Variants in DSE observed in about 807,000 individuals in gnomAD.
The protein encoded by DSE is dermatan sulfate epimerase, also known as dermatan-sulfate epimerase.
A neutral mutation model predicts 84.4 loss-of-function variants in DSE; 36 were observed. That is an observed-to-expected ratio of 0.43 (90% confidence interval 0.33 to 0.56). The LOEUF (loss-of-function observed/expected upper bound fraction) is 0.56. Among genes scored for constraint, DSE ranks in the 20% least tolerant of loss-of-function variants. The pLI is 0.06. For missense variants in DSE, 862 were observed against 1,169.6 expected, an observed-to-expected ratio of 0.74 and a Z score of 3.84; for synonymous variants, 410 against 430.1, an observed-to-expected ratio of 0.95 and a Z score of 0.58.
chr6:116,259,124 C>T, intron 2 of DSE: 1 of 1,360,824 alleles, frequency 7.3e-7, no homozygotes, highest in East Asian at 2.4e-5. Context: ...ATCGTGAGAA[C>T]ACAGCCTGAG....
At chr6:116,339,809 C>A (rs1397050947) in intron 2 of DSE, among the ~76,000 whole-genome samples, 2 of 152,168 alleles carry the variant, frequency 1.3e-5, no homozygotes, top group African/African-American at 4.8e-5. Flanking sequence ...AAATATGGAA[C>A]AGAAGAAGAA....
intron 2 of DSE, chr6:116,277,164 A>C (rs1269389937): frequency 1.3e-5 from 2 of 152,678 alleles, no homozygotes; most frequent in Non-Finnish European, 2.9e-5. Context: ...ATTTTACTAA[A>C]TCCTAATGAA....
intron 2 of DSE, among the ~76,000 whole-genome samples, chr6:116,421,760 C>A (rs2115052171): frequency 6.6e-6 from 1 of 152,076 alleles, no homozygotes; most frequent in East Asian, 1.9e-4. Flanking sequence ...TGTACCCAGC[C>A]AAACTATATT....
chr6:116,426,425 TA>T, intron 2 of DSE, 148 bp from the exon 3 acceptor site: 1 of 989,556 alleles, frequency 1.0e-6, no homozygotes, highest in Non-Finnish European at 1.4e-6. Flanking sequence ...CGCTTGTTTC[TA>T]ATGTGGAGGG....
intron 2 of DSE, among the ~76,000 whole-genome samples, chr6:116,340,581 C>T (rs1352173023): frequency 2.0e-5 from 3 of 152,008 alleles, no homozygotes; most frequent in Non-Finnish European, 4.4e-5. Context: ...TGTTGGTTTG[C>T]TGCACCCATC....
intron 2 of DSE, among the ~76,000 whole-genome samples, chr6:116,297,511 A>G (rs1309624580): frequency 1.3e-5 from 2 of 152,192 alleles, no homozygotes; most frequent in Admixed American, 6.5e-5. Context: ...AATCTGAAAC[A>G]CTAATTTTAG....
At chr6:116,432,058 A>G (rs1306008851) in intron 4 of DSE, among the ~76,000 whole-genome samples, 3 of 152,252 alleles carry the variant, frequency 2.0e-5, no homozygotes, top group Admixed American at 2.0e-4. Flanking sequence ...ATTGCAGAGC[A>G]TAAGAACCAT....
At chr6:116,383,059 A>G (rs1223307214) in intron 1 of DSE, among the ~76,000 whole-genome samples, 1 of 152,140 alleles carries the variant, frequency 6.6e-6, no homozygotes, top group Admixed American at 6.6e-5. Context: ...TTTGGCCTGC[A>G]TGGGAGAGCA....
chr6:116,287,689 A>G (rs1280637673), intron 2 of DSE, among the ~76,000 whole-genome samples: 3 of 152,052 alleles, frequency 2.0e-5, no homozygotes, highest in African/African-American at 7.2e-5. Context: ...GTTGAGGGAG[A>G]CTTCCCTTGG....
chr6:116,325,914 C>G lies in DSE; in HGVS notation c.-54+66947C>G, dbSNP rs142365816. 6.8e-3 allele frequency among the ~76,000 whole-genome samples: 1,042 copies of G among 152,200 alleles called. 22 individuals carry two copies. The highest frequency in any genetic ancestry group is 0.056 in the South Asian group (270 of 4,818). ...GGGCTCACAACTCTAAGGGGATGCACATGAGAGGATCGTGATCGAGTGAGC... is the reference window on the plus strand; with the variant it reads ...GGGCTCACAACTCTAAGGGGATGCAGATGAGAGGATCGTGATCGAGTGAGC... On this transcript the variant is annotated intron_variant, in intron 2 of 3. Transcript: ENST00000430252.
chr6:116,267,640 A>G (rs1357259795), intron 2 of DSE, among the ~76,000 whole-genome samples: 1 of 152,196 alleles, frequency 6.6e-6, no homozygotes, highest in African/African-American at 2.4e-5. Flanking sequence ...ATTTTTTTAT[A>G]AACTTAGTGT....
chr6:116,364,406 G>A (rs1280139325), intron 2 of DSE, among the ~76,000 whole-genome samples: 2 of 152,162 alleles, frequency 1.3e-5, no homozygotes, highest in Admixed American at 6.5e-5. Context: ...GCAAACTGTC[G>A]ACTATTTCCC....
intron 1 of DSE, among the ~76,000 whole-genome samples, chr6:116,371,531 C>T (rs1218686579): frequency 6.6e-6 from 1 of 152,204 alleles, no homozygotes; most frequent in Non-Finnish European, 1.5e-5. Context: ...GGCACACCCT[C>T]GCGTCCTCCT....
At chr6:116,353,216 G>A (rs1778406311) in intron 2 of DSE, among the ~76,000 whole-genome samples, 2 of 152,104 alleles carry the variant, frequency 1.3e-5, no homozygotes, top group Non-Finnish European at 2.9e-5. Context: ...CAAATGAACT[G>A]ATGATGACCT....
At chr6:116,298,696 T>C (rs933796981) in intron 2 of DSE, among the ~76,000 whole-genome samples, 4 of 152,216 alleles carry the variant, frequency 2.6e-5, no homozygotes, top group Admixed American at 2.6e-4. Context: ...ACAGCAGCTA[T>C]AGAAAACTCA....
At chr6:116,388,045 A>G (rs1780674043) in intron 1 of DSE, among the ~76,000 whole-genome samples, 1 of 152,134 alleles carries the variant, frequency 6.6e-6, no homozygotes, top group African/African-American at 2.4e-5. Flanking sequence ...GAGAAACAGA[A>G]CCAGTAGATC....
chr6:116,314,973 G>C (rs1319009512), intron 2 of DSE, among the ~76,000 whole-genome samples: 1 of 152,204 alleles, frequency 6.6e-6, no homozygotes, highest in African/African-American at 2.4e-5. Context: ...TGTGTCCAGA[G>C]GTAGGCTCTG....
At position 116,399,524 on chromosome 6, in the gene DSE, A is replaced by G; in HGVS notation, c.274A>G (p.Lys92Glu). 6.2e-7 allele frequency: 1 copy of G among 1,614,216 alleles called. No homozygotes were observed. Among genetic ancestry groups the G allele is most frequent in the African/African-American group, 1.3e-5 (1 of 75,056 alleles). The change falls in exon 2 of 6, where the codon AAG becomes GAG. Residue 92 changes from lysine to glutamate, a missense_variant. This residue lies in a region of DSE where 309 missense variants were observed against 516.9 expected (regional missense o/e 0.60). Transcript: ENST00000644252. ...PLEYLPPWDP[K>E]DYSARWNEIF... Reference sequence around the variant, plus strand: ...GGAATACCTCCCTCCCTGGGATCCCAAGGACTACAGTGCCCGCTGGAATGA... The same window carrying G: ...GGAATACCTCCCTCCCTGGGATCCCGAGGACTACAGTGCCCGCTGGAATGA...
chr6:116,370,446 A>G, upstream of DSE: 1 of 987,838 alleles, frequency 1.0e-6, no homozygotes, highest in Non-Finnish European at 1.2e-6. Flanking sequence ...TCGAGAGAAA[A>G]GAGGCAGTAA....
Sources: allele counts gnomAD v4.1 joint callset (sites outside exome capture counted in the v4.1 genomes callset), GRCh38; gene constraint gnomAD v4.1.1; regional missense constraint gnomAD v4.1.1; transcripts MANE v1.5; gene names NCBI Gene and HGNC (gene_info 2026-07-23, HGNC 2026-07-21).